Variants in GABRB3 observed in about 807,000 individuals in gnomAD.
The protein encoded by GABRB3 is gamma-aminobutyric acid type A receptor subunit beta3, also known as gamma-aminobutyric acid receptor subunit beta-3.
In GABRB3, 14 loss-of-function variants were observed where a neutral mutation model predicts 52.1. The observed-to-expected ratio is 0.27, with a 90% CI of 0.18 to 0.42. The LOEUF is 0.42. Ranked by LOEUF, GABRB3 falls within the 10% of genes least tolerant of loss-of-function variation. The pLI is 1.00. For missense variants in GABRB3, 307 were observed against 609.1 expected (o/e 0.50, Z 5.22); for synonymous variants, 260 against 232.3 (o/e 1.12, Z -1.08).
chr15:26,707,119 A>C (rs990836658), intron 3 of GABRB3, among the ~76,000 whole-genome samples: 5 of 152,226 alleles, frequency 3.3e-5, no homozygotes, highest in African/African-American at 1.2e-4. Flanking sequence ...AATGCACCAG[A>C]TGCCACAGGA....
intron 3 of GABRB3, among the ~76,000 whole-genome samples, chr15:26,728,816 C>A (rs771258088): frequency 1.3e-5 from 2 of 152,164 alleles, no homozygotes; most frequent in Non-Finnish European, 2.9e-5. Context: ...AGCTCATATA[C>A]CAGCAGCTGG....
At chr15:26,762,031 C>T (rs1456558799) in intron 3 of GABRB3, among the ~76,000 whole-genome samples, 2 of 152,060 alleles carry the variant, frequency 1.3e-5, no homozygotes, top group Admixed American at 6.6e-5. Flanking sequence ...TGGGGTTTTG[C>T]CATGTTGGCC....
chr15:26,572,221 T>C (rs1465224923), intron 6 of GABRB3, among the ~76,000 whole-genome samples: 1 of 152,166 alleles, frequency 6.6e-6, no homozygotes, highest in Non-Finnish European at 1.5e-5. Flanking sequence ...TCCTGACCCA[T>C]GTCAGACAGA....
At chr15:26,770,707 T>G (rs1464647216) in intron 3 of GABRB3, among the ~76,000 whole-genome samples, 1 of 152,250 alleles carries the variant, frequency 6.6e-6, no homozygotes, top group Non-Finnish European at 1.5e-5. Flanking sequence ...ATTTTTGACA[T>G]AATAATCCAC....
At chr15:26,638,970 T>C (rs1198180281) in intron 3 of GABRB3, among the ~76,000 whole-genome samples, 1 of 152,090 alleles carries the variant, frequency 6.6e-6, no homozygotes, top group Non-Finnish European at 1.5e-5. Context: ...GCTTCTGGGA[T>C]TCTAGTGGAT....
chr15:26,685,536 A>C (rs1240111204), intron 3 of GABRB3, among the ~76,000 whole-genome samples: 2 of 152,214 alleles, frequency 1.3e-5, no homozygotes, highest in Non-Finnish European at 2.9e-5. Context: ...CGAGTACAAA[A>C]AAATATAATG....
intron 3 of GABRB3, among the ~76,000 whole-genome samples, chr15:26,769,263 A>G (rs985698003): frequency 6.6e-6 from 1 of 151,610 alleles, no homozygotes; most frequent in African/African-American, 2.4e-5. Context: ...ATTTCACTAC[A>G]TACACGTTTT....
chr15:26,757,413 T>C (rs1428024210), intron 3 of GABRB3, among the ~76,000 whole-genome samples: 1 of 152,190 alleles, frequency 6.6e-6, no homozygotes, highest in African/African-American at 2.4e-5. Flanking sequence ...ATTCTCTTCA[T>C]GAGTTTCTTC....
intron 4 of GABRB3, among the ~76,000 whole-genome samples, chr15:26,609,117 C>T (rs891877881): frequency 5.7e-5 from 4 of 70,788 alleles, no homozygotes; most frequent in African/African-American, 1.4e-4. Context: ...CACACACACA[C>T]ACACACACAC....
chr15:26,655,455 G>A (rs757901519), intron 3 of GABRB3, among the ~76,000 whole-genome samples: 3 of 152,048 alleles, frequency 2.0e-5, no homozygotes, highest in East Asian at 1.9e-4. Context: ...AAAAACCCTC[G>A]GTTTAGGCCA....
intron 3 of GABRB3, among the ~76,000 whole-genome samples, chr15:26,686,675 T>C (rs1433618557): frequency 6.6e-6 from 1 of 152,222 alleles, no homozygotes; most frequent in East Asian, 1.9e-4. Context: ...CAGTGTTGCC[T>C]TGCCTTGCCC....
chr15:26,644,434 G>C (rs1490756413), intron 3 of GABRB3, among the ~76,000 whole-genome samples: 1 of 152,184 alleles, frequency 6.6e-6, no homozygotes, highest in Non-Finnish European at 1.5e-5. Flanking sequence ...CACACAGAGA[G>C]AAGGCCTCGT....
intron 3 of GABRB3, among the ~76,000 whole-genome samples, chr15:26,646,892 G>A (rs1887028259): frequency 6.6e-6 from 1 of 152,124 alleles, no homozygotes; most frequent in South Asian, 2.1e-4. Context: ...CGCCCAGGCT[G>A]GAGTGCAGTG....
At chr15:26,564,382 C>A (rs1346166326) in intron 7 of GABRB3, among the ~76,000 whole-genome samples, 2 of 152,114 alleles carry the variant, frequency 1.3e-5, no homozygotes, top group Non-Finnish European at 2.9e-5. Flanking sequence ...AGACCCTGGG[C>A]AGCAGAAGCA....
At chr15:26,708,462 C>CAATGAGGGAATGAGGGCA (rs1889177474) in intron 3 of GABRB3, among the ~76,000 whole-genome samples, 1 of 152,076 alleles carries the variant, frequency 6.6e-6, no homozygotes, top group Admixed American at 6.5e-5. Context: ...GACAGGCAGT[C>CAATGAGGGAATGAGGGCA]AATGAGGGAA....
intron 4 of GABRB3, among the ~76,000 whole-genome samples, chr15:26,611,480 G>A (rs572723313): frequency 5.8e-4 from 88 of 152,124 alleles, no homozygotes; most frequent in East Asian, 1.7e-3. Flanking sequence ...TATAAAATAC[G>A]CCAAAGAAGA....
intron 3 of GABRB3, among the ~76,000 whole-genome samples, chr15:26,767,822 C>G (rs146455592): frequency 1.3e-5 from 2 of 152,194 alleles, no homozygotes; most frequent in African/African-American, 2.4e-5. Context: ...CCCTAGCTCA[C>G]TCTAGCCTGA....
At chr15:26,609,103 TACACACACACAC>T (rs79471574) in intron 4 of GABRB3, among the ~76,000 whole-genome samples, 4 of 143,280 alleles carry the variant, frequency 2.8e-5, no homozygotes, top group Non-Finnish European at 6.0e-5. Flanking sequence ...CACACACACA[TACACACACACAC>T]ACACACACAC....
At chr15:26,583,993 G>T (rs1890884602) in intron 4 of GABRB3, among the ~76,000 whole-genome samples, 1 of 152,024 alleles carries the variant, frequency 6.6e-6, no homozygotes, top group Non-Finnish European at 1.5e-5. Flanking sequence ...AGCCAGGATG[G>T]TCTCGACCTC....
Sources: gnomAD v4.1 joint callset for allele counts (sites outside exome capture counted in the v4.1 genomes callset) on GRCh38, gnomAD v4.1.1 for gene constraint, MANE v1.5 for transcripts, NCBI Gene and HGNC (gene_info 2026-07-23, HGNC 2026-07-21) for gene names.